The following NDUFS4 variants were observed in gnomAD, a reference collection of about 807,000 sequenced individuals.
NDUFS4 encodes the protein NADH:ubiquinone oxidoreductase subunit S4, also known as NADH dehydrogenase [ubiquinone] iron-sulfur protein 4, mitochondrial.
Under a neutral mutation model 24.3 loss-of-function variants are expected in NDUFS4, and 28 were observed. That is an observed-to-expected ratio of 1.15 (90% CI 0.85 to 1.58). The LOEUF is 1.58. Ranked by LOEUF, NDUFS4 falls within the 40% of genes most tolerant of loss-of-function variation. The pLI, the probability that NDUFS4 is intolerant of heterozygous loss-of-function variation, is 0.00. For synonymous variants in NDUFS4, 93 were observed against 69.7 expected (o/e 1.34, Z -1.67); for missense variants, 223 against 207.9 (o/e 1.07, Z -0.45).
chr5:53,580,243 G>C (rs1292456541), intron 1 of NDUFS4, among the ~76,000 whole-genome samples: 2 of 152,046 alleles, frequency 1.3e-5, no homozygotes, highest in African/African-American at 4.8e-5. Context: ...CATATACGTG[G>C]CAACTACAAA....
intron 1 of NDUFS4, among the ~76,000 whole-genome samples, chr5:53,601,482 C>T (rs554588829): frequency 6.6e-6 from 1 of 152,040 alleles, no homozygotes; most frequent in African/African-American, 2.4e-5. Flanking sequence ...AGGACATAAT[C>T]GTTTTAAGTT....
At chr5:53,621,120 C>T (rs544298611) in intron 2 of NDUFS4, among the ~76,000 whole-genome samples, 1 of 152,226 alleles carries the variant, frequency 6.6e-6, no homozygotes, top group African/African-American at 2.4e-5. Flanking sequence ...TTTGAAACTA[C>T]TGTTGGTTGG....
At chr5:53,609,943 A>G (rs988835265) in intron 2 of NDUFS4, among the ~76,000 whole-genome samples, 1 of 152,136 alleles carries the variant, frequency 6.6e-6, no homozygotes, top group African/African-American at 2.4e-5. Context: ...TTGATCTTCT[A>G]TCCACTGAAA....
At chr5:53,569,481 A>G (rs1749143838) in intron 1 of NDUFS4, among the ~76,000 whole-genome samples, 1 of 152,096 alleles carries the variant, frequency 6.6e-6, no homozygotes. Flanking sequence ...TCATAGATTT[A>G]TGTAATATTT....
chr5:53,678,128 A>G (rs947180710), intron 4 of NDUFS4, among the ~76,000 whole-genome samples: 1 of 152,140 alleles, frequency 6.6e-6, no homozygotes, highest in Non-Finnish European at 1.5e-5. Context: ...TTTGAAAAGT[A>G]TATCATTTAT....
At chr5:53,674,219 T>C (rs1032998480) in intron 4 of NDUFS4, among the ~76,000 whole-genome samples, 7 of 152,174 alleles carry the variant, frequency 4.6e-5, no homozygotes, top group Non-Finnish European at 1.0e-4. Context: ...ATAAAGAAGG[T>C]ATGATCCAAT....
At chr5:53,592,084 A>G (rs1374468086) in intron 1 of NDUFS4, among the ~76,000 whole-genome samples, 1 of 151,900 alleles carries the variant, frequency 6.6e-6, no homozygotes, top group African/African-American at 2.4e-5. Context: ...AATTACAGGC[A>G]CGTGCCACCA....
intron 2 of NDUFS4, among the ~76,000 whole-genome samples, chr5:53,636,999 T>C (rs2112496516): frequency 6.6e-6 from 1 of 152,326 alleles, no homozygotes; most frequent in East Asian, 1.9e-4. Flanking sequence ...CAGGTATTAC[T>C]TTACAGCAAT....
chr5:53,585,378 T>C (rs1749714721), intron 1 of NDUFS4, among the ~76,000 whole-genome samples: 1 of 152,168 alleles, frequency 6.6e-6, no homozygotes, highest in Non-Finnish European at 1.5e-5. Context: ...GAGTTTTTCC[T>C]AAACAGTATG....
intron 4 of NDUFS4, among the ~76,000 whole-genome samples, chr5:53,664,819 C>T (rs1752463759): frequency 6.6e-6 from 1 of 152,170 alleles, no homozygotes; most frequent in Non-Finnish European, 1.5e-5. Context: ...CTGAAGCCTT[C>T]TGTCAACTCG....
chr5:53,610,907 A>G (rs1176745746), intron 2 of NDUFS4, among the ~76,000 whole-genome samples: 1 of 152,134 alleles, frequency 6.6e-6, no homozygotes, highest in Non-Finnish European at 1.5e-5. Flanking sequence ...AGTTCTAGTA[A>G]GGCAACTTTA....
chr5:53,619,505 AAAAC>A (rs1196373231), intron 2 of NDUFS4, among the ~76,000 whole-genome samples: 1 of 150,614 alleles, frequency 6.6e-6, no homozygotes, highest in Non-Finnish European at 1.5e-5. Flanking sequence ...AAAAAAAAAA[AAAAC>A]ACATTATACA....
chr5:53,581,937 C>T (rs927083150), intron 1 of NDUFS4, among the ~76,000 whole-genome samples: 27 of 152,254 alleles, frequency 1.8e-4, no homozygotes, highest in Middle Eastern at 6.8e-3. Context: ...TAGGGCTGGG[C>T]GTGGTGGCTC....
intron 4 of NDUFS4, among the ~76,000 whole-genome samples, chr5:53,668,728 T>C (rs1003369003): frequency 3.3e-5 from 5 of 152,062 alleles, no homozygotes; most frequent in Admixed American, 1.3e-4. Flanking sequence ...CCCAAAGTGC[T>C]GCAATTACAG....
intron 2 of NDUFS4, among the ~76,000 whole-genome samples, chr5:53,632,022 G>A (rs983592088): frequency 6.6e-5 from 10 of 152,086 alleles, no homozygotes; most frequent in Admixed American, 6.5e-5. Flanking sequence ...GCTTCGGCTC[G>A]CCCTCCGTGG....
intron 4 of NDUFS4, among the ~76,000 whole-genome samples, chr5:53,672,381 G>A (rs757078939): frequency 6.6e-6 from 1 of 152,146 alleles, no homozygotes; most frequent in Non-Finnish European, 1.5e-5. Context: ...ACTAATTCAT[G>A]TGAAATAAAA....
chr5:53,654,439 T>A (rs1752104520), intron 3 of NDUFS4, among the ~76,000 whole-genome samples: 2 of 152,132 alleles, frequency 1.3e-5, no homozygotes, highest in African/African-American at 2.4e-5. Context: ...GAATATAATT[T>A]TTTTTTGCTC....
chr5:53,582,832 G>C (rs1224972558), intron 1 of NDUFS4, among the ~76,000 whole-genome samples: 1 of 152,184 alleles, frequency 6.6e-6, no homozygotes, highest in African/African-American at 2.4e-5. Flanking sequence ...GTAAACATCT[G>C]TGGACTCATT....
intron 4 of NDUFS4, among the ~76,000 whole-genome samples, chr5:53,675,420 C>T (rs1475712565): frequency 6.6e-6 from 1 of 152,114 alleles, no homozygotes; most frequent in Non-Finnish European, 1.5e-5. Context: ...CCTTGGCCTC[C>T]CAAAGTGCTG....
Sources: gnomAD v4.1 joint callset for allele counts (sites outside exome capture counted in the v4.1 genomes callset) on GRCh38, gnomAD v4.1.1 for gene constraint, MANE v1.5 for transcripts, NCBI Gene and HGNC (gene_info 2026-07-23, HGNC 2026-07-21) for gene names.